The following SGCD variants were observed in gnomAD, a reference collection of about 807,000 sequenced individuals.
The protein encoded by SGCD is sarcoglycan delta, also known as delta-sarcoglycan.
A neutral mutation model predicts 36.6 loss-of-function variants in SGCD; 18 were observed. That is an observed-to-expected ratio of 0.49 (90% confidence interval 0.34 to 0.73). The LOEUF is 0.73. SGCD is among the 30% of genes least tolerant of loss of function. The probability of loss-of-function intolerance (pLI) is 0.01; values close to 1 mark genes in which losing one functional copy is unlikely to be tolerated. For synonymous variants in SGCD, 133 were observed against 130.6 expected, an observed-to-expected ratio of 1.02 and a Z score of -0.12; for missense variants, 387 against 346.7, an observed-to-expected ratio of 1.12 and a Z score of -0.92.
At chr5:156,364,705 G>A (rs1298776540) in intron 3 of SGCD, among the ~76,000 whole-genome samples, 1 of 152,208 alleles carries the variant, frequency 6.6e-6, no homozygotes, top group Non-Finnish European at 1.5e-5. Flanking sequence ...GATAAGAAAT[G>A]AGGACTGGCT....
rs113935180 is a variant in SGCD at position 156,156,124 on chromosome 5, A to T, written c.-44+32105A>T. Among the ~76,000 whole-genome samples, 13 of 151,770 alleles carry T rather than the reference A, an allele frequency of 8.6e-5. 1 individual carries two copies. Among genetic ancestry groups the T allele is most frequent in the African/African-American group, 2.9e-4 (12 of 41,056 alleles). On this transcript the variant is annotated intron_variant, in intron 3 of 9. Transcript: ENST00000517913. ...TCTACTTTCACCAAGTAAGAATCAT[A>T]AGCCTCTCAGAACGGCAGATTATAG... is the stretch of plus-strand genomic sequence containing the variant.
At chr5:156,415,805 TTCAAATAGGGG>T (rs1224471025) in intron 3 of SGCD, among the ~76,000 whole-genome samples, 1 of 152,172 alleles carries the variant, frequency 6.6e-6, no homozygotes, top group Non-Finnish European at 1.5e-5. Context: ...TTTGGTGGAT[TTCAAATAGGGG>T]TTAAATAGGG....
intron 1 of SGCD, among the ~76,000 whole-genome samples, chr5:156,061,394 C>G (rs75776057): frequency 0.072 from 10,468 of 145,750 alleles, 1,676 homozygotes; most frequent in African/African-American, 0.24. Context: ...CTATAGGCTC[C>G]CTTCATGGTT....
At chr5:156,081,918 G>A (rs371552990) in intron 1 of SGCD, among the ~76,000 whole-genome samples, 5 of 152,176 alleles carry the variant, frequency 3.3e-5, no homozygotes, top group South Asian at 4.2e-4. Flanking sequence ...TTCTTCTTAC[G>A]GGAAAGGGGG....
the SGCD span, among the ~76,000 whole-genome samples, chr5:155,794,716 T>C: frequency 6.6e-6 from 1 of 151,816 alleles, no homozygotes; most frequent in Non-Finnish European, 1.5e-5. Context: ...GTACAGGTAA[T>C]TGGAGTACTG....
At position 155,949,580 on chromosome 5, in the gene SGCD, C is replaced by T. The variant is rs530143611; in HGVS notation, c.-282+79156C>T. On this transcript the variant is annotated intron_variant, in intron 1 of 9. Coordinates refer to the SGCD transcript ENST00000517913. ...GTGTTCACTCTATCTCAGAGGTCAGCGATAGATTTTACACGTCTAAATAAT... is the reference window on the plus strand; with the variant it reads ...GTGTTCACTCTATCTCAGAGGTCAGTGATAGATTTTACACGTCTAAATAAT... Among the ~76,000 whole-genome samples the T allele has an allele frequency of 3.0e-4, 46 of 152,056 alleles. 2 individuals are homozygous for T. In the East Asian group the frequency reaches 6.2e-3, roughly 20 times the overall value.
chr5:155,836,950 CACTT>C, the SGCD span, among the ~76,000 whole-genome samples: 1 of 152,054 alleles, frequency 6.6e-6, no homozygotes, highest in Non-Finnish European at 1.5e-5. Context: ...AAAACATACT[CACTT>C]ACTACTCTCA....
intron 1 of SGCD, among the ~76,000 whole-genome samples, chr5:156,067,845 C>A (rs1471041400): frequency 7.1e-6 from 1 of 140,798 alleles, no homozygotes; most frequent in East Asian, 2.0e-4. Flanking sequence ...CTGTCTGGCA[C>A]TCCCTAGAGA....
intron 2 of SGCD, among the ~76,000 whole-genome samples, chr5:156,122,843 TAAAAAAAAAAA>T (rs33983852): frequency 1.8e-5 from 1 of 54,170 alleles, no homozygotes; most frequent in Non-Finnish European, 3.2e-5. Flanking sequence ...AAAGATGTGG[TAAAAAAAAAAA>T]AAAAAAAAAA....
chr5:156,315,797 C>A (rs1767502722), intron 3 of SGCD, among the ~76,000 whole-genome samples: 1 of 151,868 alleles, frequency 6.6e-6, no homozygotes, highest in Non-Finnish European at 1.5e-5. Context: ...GTTTGGATAT[C>A]CCTGATGATT....
At position 156,463,189 on chromosome 5, in the gene SGCD, G is replaced by A. The variant is rs144145672; in HGVS notation, c.193-45412G>A. Among the ~76,000 whole-genome samples the A allele has an allele frequency of 6.8e-3, 1,034 of 152,158 alleles. 3 individuals carry two copies. Among genetic ancestry groups the A allele is most frequent in the Non-Finnish European group, 0.011 (723 of 67,994 alleles). On this transcript the variant is annotated intron_variant, in intron 3 of 8. Coordinates refer to ENST00000337851, the MANE Select transcript of SGCD (RefSeq NM_000337.6). ...GACGGAGTCTCACACTGTCGCCCAG[G>A]CCACCACGTCTGGCTAATTTTTTGT... is the stretch of plus-strand genomic sequence containing the variant.
intron 1 of SGCD, among the ~76,000 whole-genome samples, chr5:156,089,476 G>A (rs1761186837): frequency 6.6e-6 from 1 of 152,138 alleles, no homozygotes. Flanking sequence ...ATAGTGAATG[G>A]GTGTCCAAAC....
chr5:155,895,949 T>C lies in SGCD; in HGVS notation c.-282+25525T>C, dbSNP rs912777299. Among the ~76,000 whole-genome samples the C allele has an allele frequency of 3.3e-5, 5 of 152,258 alleles. 1 individual carries two copies. The highest frequency in any genetic ancestry group is 1.2e-4 in the African/African-American group (5 of 41,478). ...TGAGAGAAGTGACCTGCAACCGTTA[T>C]CTGAGATGTATGGCCTTTGCCGTAA... On this transcript the variant is annotated intron_variant, in intron 1 of 9. Transcript: ENST00000517913.
chr5:156,231,589 T>G lies in SGCD; in HGVS notation c.-43-97945T>G, dbSNP rs141374224. Among the ~76,000 whole-genome samples the G allele has an allele frequency of 1.0e-3, 156 of 152,232 alleles. 1 individual carries two copies. The highest frequency in any genetic ancestry group is 3.5e-3 in the African/African-American group (145 of 41,554). On this transcript the variant is annotated intron_variant, in intron 3 of 9. Coordinates refer to the SGCD transcript ENST00000517913. ...AAATAAAAAGGTGAACAGAAGATAA[T>G]CCTGGAAAAGTGTATTCGATAAGAG...
intron 6 of SGCD, among the ~76,000 whole-genome samples, chr5:156,595,275 C>A (rs2113390665): frequency 6.6e-6 from 1 of 152,120 alleles, no homozygotes; most frequent in African/African-American, 2.4e-5. Flanking sequence ...ATGAGAAGAC[C>A]AGAGATCCCT....
intron 3 of SGCD, among the ~76,000 whole-genome samples, chr5:156,393,007 C>T (rs1164002371): frequency 6.6e-6 from 1 of 152,142 alleles, no homozygotes; most frequent in Non-Finnish European, 1.5e-5. Context: ...AACAAAAATG[C>T]CTATCCTCAC....
chr5:156,273,311 A>G (rs1766227948), intron 3 of SGCD, among the ~76,000 whole-genome samples: 1 of 152,182 alleles, frequency 6.6e-6, no homozygotes, highest in African/African-American at 2.4e-5. Context: ...CTTTTTTCAT[A>G]TAAAGAAGAA....
At chr5:156,342,044 ACT>A (rs1295984680) in intron 2 of SGCD, among the ~76,000 whole-genome samples, 1 of 152,106 alleles carries the variant, frequency 6.6e-6, no homozygotes, top group Admixed American at 6.6e-5. Context: ...TCCATCAGTA[ACT>A]CTGATGTGCA....
chr5:155,782,957 A>G, the SGCD span, among the ~76,000 whole-genome samples: 1 of 152,142 alleles, frequency 6.6e-6, no homozygotes, highest in African/African-American at 2.4e-5. Context: ...GGGAAAAAAA[A>G]TGATGCATAA....
Sources: allele counts gnomAD v4.1 joint callset (sites outside exome capture counted in the v4.1 genomes callset), GRCh38; gene constraint gnomAD v4.1.1; transcripts MANE v1.5; gene names NCBI Gene and HGNC (gene_info 2026-07-23, HGNC 2026-07-21).